MB21D2: variants seen among roughly 807,000 people sequenced by gnomAD.
MB21D2 encodes nucleotidyltransferase MB21D2.
MB21D2 carries 9 observed loss-of-function variants against 33.3 expected under a neutral mutation model. The ratio of observed to expected loss-of-function variants is 0.27; its 90% confidence interval spans 0.16 to 0.47. The LOEUF (loss-of-function observed/expected upper bound fraction) is 0.47, where lower values mean the gene tolerates loss of function less well. MB21D2 is among the 20% of genes least tolerant of loss of function. The probability of loss-of-function intolerance (pLI) is 0.99; values close to 1 mark genes in which losing one functional copy is unlikely to be tolerated. For synonymous variants in MB21D2, 241 were observed against 236.3 expected (o/e 1.02, Z -0.18); for missense variants, 540 against 624.6 (o/e 0.86, Z 1.44).
chr3:192,830,652 T>C (rs1278692772), intron 1 of MB21D2, among the ~76,000 whole-genome samples: 1 of 152,216 alleles, frequency 6.6e-6, no homozygotes, highest in Non-Finnish European at 1.5e-5. Context: ...GAAAGGAGTT[T>C]TGGTTGCAGT....
At chr3:192,813,254 G>A (rs1553855351) in intron 1 of MB21D2, among the ~76,000 whole-genome samples, 2 of 151,820 alleles carry the variant, frequency 1.3e-5, no homozygotes, top group Non-Finnish European at 2.9e-5. Context: ...GCATATTCAG[G>A]AGCTCTTTGC....
intron 1 of MB21D2, among the ~76,000 whole-genome samples, chr3:192,837,731 G>A (rs1412720700): frequency 6.6e-6 from 1 of 152,198 alleles, no homozygotes; most frequent in Non-Finnish European, 1.5e-5. Context: ...CATATCATGA[G>A]TCTCCGGCTT....
At chr3:192,871,483 T>G (rs1052507081) in intron 1 of MB21D2, among the ~76,000 whole-genome samples, 2 of 152,106 alleles carry the variant, frequency 1.3e-5, no homozygotes, top group Non-Finnish European at 2.9e-5. Context: ...CTCATGGAGA[T>G]TATGTTCTAT....
At chr3:192,849,722 ATATT>A (rs1712758328) in intron 1 of MB21D2, among the ~76,000 whole-genome samples, 1 of 152,136 alleles carries the variant, frequency 6.6e-6, no homozygotes. Flanking sequence ...AAAAAAAACT[ATATT>A]TATTTATGTC....
intron 1 of MB21D2, among the ~76,000 whole-genome samples, chr3:192,862,853 G>A (rs1713079839): frequency 1.3e-5 from 2 of 152,350 alleles, no homozygotes; most frequent in South Asian, 4.1e-4. Context: ...GAAGTCCAAA[G>A]TCAAGGCACT....
intron 1 of MB21D2, among the ~76,000 whole-genome samples, chr3:192,810,521 A>C (rs530028162): frequency 1.6e-4 from 24 of 152,338 alleles, no homozygotes; most frequent in Admixed American, 1.3e-3. Context: ...TAGTCAAAGA[A>C]GACCCTGTCT....
At chr3:192,887,955 C>T (rs1325580361) in intron 1 of MB21D2, among the ~76,000 whole-genome samples, 4 of 151,980 alleles carry the variant, frequency 2.6e-5, no homozygotes, top group Non-Finnish European at 2.9e-5. Context: ...TCACGGGTCC[C>T]ATACTGAGGA....
intron 1 of MB21D2, among the ~76,000 whole-genome samples, chr3:192,814,455 G>A (rs1462006146): frequency 2.0e-5 from 3 of 152,152 alleles, no homozygotes; most frequent in Admixed American, 1.3e-4. Context: ...AATCAGACTT[G>A]AAATAACCAG....
At position 192,869,307 on chromosome 3, in the gene MB21D2, A is replaced by G. The variant is rs112866043; in HGVS notation, c.211+48323T>C. Among the ~76,000 whole-genome samples, 528 of 76,036 alleles carry G rather than the reference A, an allele frequency of 6.9e-3. 10 individuals are homozygous for G. The East Asian group carries it at 0.1, about 15-fold the overall frequency. 49.9% of individuals were successfully genotyped at this position (76,036 alleles called of 152,430 possible). A position where few individuals can be genotyped will look rare whatever the true frequency, so the allele number is the denominator to read the frequency against. On this transcript the variant is annotated intron_variant, in intron 1 of 1. Coordinates refer to ENST00000392452, the MANE Select transcript of MB21D2 (RefSeq NM_178496.4). ...GAAGGAGGGGAGGAGGGGAGGAGGG[A>G]AGGAGGGAAGGAGGGAAAAAGGGAA...
intron 1 of MB21D2, among the ~76,000 whole-genome samples, chr3:192,848,157 C>A (rs1357877932): frequency 6.6e-6 from 1 of 152,190 alleles, no homozygotes; most frequent in Non-Finnish European, 1.5e-5. Flanking sequence ...GTAGGCAAAT[C>A]TGGAAGAAGT....
At chr3:192,854,553 A>C (rs2108631015) in intron 1 of MB21D2, among the ~76,000 whole-genome samples, 1 of 152,376 alleles carries the variant, frequency 6.6e-6, no homozygotes. Flanking sequence ...TCCAGCTAAA[A>C]TAACCGATGA....
chr3:192,813,819 G>T (rs1437613165), intron 1 of MB21D2, among the ~76,000 whole-genome samples: 1 of 152,142 alleles, frequency 6.6e-6, no homozygotes, highest in Non-Finnish European at 1.5e-5. Context: ...GGGAGAAAGG[G>T]CTCAAAATGT....
chr3:192,853,022 CTCTCTG>C (rs1553858586), intron 1 of MB21D2, among the ~76,000 whole-genome samples: 1 of 123,252 alleles, frequency 8.1e-6, no homozygotes, highest in Non-Finnish European at 1.7e-5. Context: ...TCAGTTATCT[CTCTCTG>C]TCTCTCTCTC....
chr3:192,914,721 T>C (rs909032633), intron 1 of MB21D2, among the ~76,000 whole-genome samples: 3 of 151,636 alleles, frequency 2.0e-5, no homozygotes, highest in African/African-American at 7.3e-5. Flanking sequence ...CAAAAAAAAA[T>C]CAGAATCTCT....
chr3:192,915,630 C>T (rs540732567), intron 1 of MB21D2, among the ~76,000 whole-genome samples: 1 of 152,162 alleles, frequency 6.6e-6, no homozygotes, highest in Non-Finnish European at 1.5e-5. Context: ...GGAATAGAAG[C>T]AAATCTAGTT....
At chr3:192,812,281 C>T (rs1711805883) in intron 1 of MB21D2, among the ~76,000 whole-genome samples, 2 of 152,086 alleles carry the variant, frequency 1.3e-5, no homozygotes, top group South Asian at 4.1e-4. Context: ...CTCCTGACCT[C>T]CCAACTGGCC....
chr3:192,894,390 C>T (rs1713921138), intron 1 of MB21D2, among the ~76,000 whole-genome samples: 1 of 152,106 alleles, frequency 6.6e-6, no homozygotes, highest in African/African-American at 2.4e-5. Flanking sequence ...CTCGGCCTCC[C>T]AAAGTGGTAG....
intron 1 of MB21D2, among the ~76,000 whole-genome samples, chr3:192,847,874 G>A (rs886829739): frequency 2.6e-5 from 4 of 152,044 alleles, no homozygotes; most frequent in Non-Finnish European, 4.4e-5. Context: ...GAGAAGGACA[G>A]GTTAAAAATC....
Position 192,798,794 on chromosome 3 carries a change from G to C in MB21D2, c.1068C>G (p.His356Gln), listed in dbSNP as rs1720581470. The C allele has an allele frequency of 1.2e-6, 2 of 1,612,806 alleles. No homozygotes were observed. The highest frequency in any genetic ancestry group is 2.7e-5 in the African/African-American group (2 of 75,066). The part of the protein sequence containing the change: ...NYLAQEDYAA[H>Q]FLLGLIDDLQ... ...GGTCATCGATGAGGCCCAGCAAAAA[G>C]TGGGCTGCATAGTCTTCTTGAGCCA... The change falls in exon 2 of 2, where the codon CAC becomes CAG. Residue 356 changes from histidine to glutamine, a missense_variant. Coordinates refer to ENST00000392452, the MANE Select transcript of MB21D2 (RefSeq NM_178496.4). The surrounding 1 kb of genome is among the most constrained non-coding windows in gnomAD (Gnocchi z 4.8).
Sources: gnomAD v4.1 joint callset for allele counts (sites outside exome capture counted in the v4.1 genomes callset) on GRCh38, gnomAD v4.1.1 for gene constraint, Gnocchi (gnomAD v3.1) non-coding constraint, MANE v1.5 for transcripts, NCBI Gene and HGNC (gene_info 2026-07-23, HGNC 2026-07-21) for gene names.